Variants in CCDC43 observed in about 807,000 individuals in gnomAD.
The protein encoded by CCDC43 is coiled-coil domain-containing protein 43.
CCDC43 carries 20 observed loss-of-function variants against 33.3 expected under a neutral mutation model. The observed-to-expected ratio is 0.60, with a 90% CI of 0.42 to 0.87. The LOEUF (loss-of-function observed/expected upper bound fraction) is 0.87, where lower values mean the gene tolerates loss of function less well. CCDC43 is among the 40% of genes least tolerant of loss of function. CCDC43 has a pLI of 0.00. For missense variants in CCDC43, 248 were observed against 269.9 expected, an observed-to-expected ratio of 0.92 and a Z score of 0.57; for synonymous variants, 104 against 106.5, an observed-to-expected ratio of 0.98 and a Z score of 0.14.
intron 2 of CCDC43, 41 bp from the exon 3 acceptor site, chr17:44,682,179 G>A (rs754647681): frequency 1.2e-6 from 2 of 1,612,330 alleles, no homozygotes; most frequent in Non-Finnish European, 1.7e-6. Flanking sequence ...GTATGAGAGA[G>A]AACAAGCTCA....
chr17:44,683,243 T>C (rs1247216090), intron 2 of CCDC43, among the ~76,000 whole-genome samples: 1 of 152,100 alleles, frequency 6.6e-6, no homozygotes, highest in Non-Finnish European at 1.5e-5. Flanking sequence ...AATGACAACA[T>C]GAGGCAGGGT....
intron 1 of CCDC43, among the ~76,000 whole-genome samples, chr17:44,686,167 C>A (rs1006498078): frequency 6.6e-6 from 1 of 152,178 alleles, no homozygotes; most frequent in African/African-American, 2.4e-5. Context: ...CCTGCCTTGG[C>A]CTCCCAAAGT....
rs1363824931 is a variant in CCDC43 at position 44,677,981 on chromosome 17, A to C, written c.*875T>G. On this transcript the variant is annotated 3_prime_UTR_variant, in exon 5 of 5. Transcript: ENST00000315286. ...TTTCCATTCACTCATTCATTCAATAAATTTGTTGAGCACCTACTATGTACA... is the reference window on the plus strand; with the variant it reads ...TTTCCATTCACTCATTCATTCAATACATTTGTTGAGCACCTACTATGTACA... 6.6e-6 allele frequency: 1 copy of C among 152,554 alleles called. No homozygotes were observed. The highest frequency in any genetic ancestry group is 2.4e-5 in the African/African-American group (1 of 41,414). 9.5% of individuals were successfully genotyped at this position (152,554 alleles called of 1,614,324 possible).
chr17:44,682,452 C>A (rs1972177488), intron 2 of CCDC43, among the ~76,000 whole-genome samples: 2 of 149,714 alleles, frequency 1.3e-5, no homozygotes, highest in African/African-American at 4.9e-5. Context: ...GAAAACTAAG[C>A]CTCTGAACAC....
chr17:44,687,382 G>C (rs1054241517), intron 1 of CCDC43, among the ~76,000 whole-genome samples: 1 of 152,048 alleles, frequency 6.6e-6, no homozygotes, highest in African/African-American at 2.4e-5. Flanking sequence ...GTTACAGTGA[G>C]CCGAGATTTT....
At chr17:44,689,324 G>A (rs1972287020) in intron 1 of CCDC43, 3 of 597,396 alleles carry the variant, frequency 5.0e-6, no homozygotes, top group Non-Finnish European at 8.7e-6. Flanking sequence ...TTGTCCCCAA[G>A]AATACGAGAA....
At chr17:44,689,205 G>A in intron 1 of CCDC43, 1 of 320,102 alleles carries the variant, frequency 3.1e-6, no homozygotes. Context: ...ACTGTAAACG[G>A]ATGGAAATGG....
At chr17:44,685,937 G>A (rs145008274) in intron 1 of CCDC43, among the ~76,000 whole-genome samples, 164 of 151,306 alleles carry the variant, frequency 1.1e-3, no homozygotes, top group African/African-American at 3.8e-3. Flanking sequence ...TTTTTGAGAC[G>A]GAGTCTCGCT....
rs1972144475 is a variant in CCDC43 at position 44,680,602 on chromosome 17, T to G, written c.470A>C (p.Asn157Thr). ...EKDDSGATTM[N>T]IGSDKLLFRN... is the part of the protein sequence containing the mutation. The stretch of plus-strand genomic sequence containing the variant: ...AAGGATACGTTTGTCAGAACCAATG[T>G]TCATTGTGGTAGCACCTGAATCATC... Residue 157 changes from asparagine (N) to threonine (T), a missense_variant, in exon 4 of 5, where the codon AAC becomes ACC. By Grantham distance (65) the Asn-to-Thr change is moderately conservative (BLOSUM62 0). Coordinates refer to ENST00000315286, the MANE Select transcript of CCDC43 (RefSeq NM_144609.3). 1 of 1,607,724 alleles carries G rather than the reference T, an allele frequency of 6.2e-7. No homozygotes were observed. Among genetic ancestry groups the G allele is most frequent in the South Asian group, 1.1e-5 (1 of 90,698 alleles).
In CCDC43 at chr17:44,678,158, C is replaced by G. The variant is rs992611065; in HGVS notation, c.*698G>C. 17 of 152,466 alleles carry G rather than the reference C, an allele frequency of 1.1e-4. No homozygotes were observed. The highest frequency in any genetic ancestry group is 3.6e-4 in the African/African-American group (15 of 41,402). 9.4% of individuals were successfully genotyped at this position (152,466 alleles called of 1,614,324 possible). On this transcript the variant is annotated 3_prime_UTR_variant, in exon 5 of 5. Coordinates refer to ENST00000315286, the MANE Select transcript of CCDC43 (RefSeq NM_144609.3). ...ATCTCTACCAGCACACAAGAGGATA[C>G]ATGATTATACAAAATGAATCTAGCC...
At chr17:44,679,323 AAAC>A (rs1331073747) in intron 4 of CCDC43, among the ~76,000 whole-genome samples, 1 of 152,190 alleles carries the variant, frequency 6.6e-6, no homozygotes, top group African/African-American at 2.4e-5. Context: ...AAAAATAAGA[AAAC>A]AAAATATTTC....
In CCDC43 at chr17:44,678,290, C is replaced by CAAAAA. The variant is rs200792287; in HGVS notation, c.*561_*565dup. 2.4e-5 allele frequency: 3 copies of CAAAAA among 123,552 alleles called. No individual in the cohort carries two copies. Among genetic ancestry groups the CAAAAA allele is most frequent in the Non-Finnish European group, 5.3e-5 (3 of 56,804 alleles). The allele number at this position is 123,552 out of a possible 1,614,324, so 7.7% of individuals were successfully genotyped here. The stretch of plus-strand genomic sequence containing the variant: ...TTTTCCTCCCACAGGCTGAAACTTT[C>CAAAAA]AAAAAAAAAAAAAAAATCAGATCTA... On this transcript the variant is annotated 3_prime_UTR_variant, in exon 5 of 5. Transcript: ENST00000315286.
rs1476331534 is a variant in CCDC43, at chr17:44,678,981, G to A, written c.550C>T (p.Leu184Phe). The part of the protein sequence containing the change: ...LNARKLERDS[L>F]RDESQRKKEQ... ...TTCTTCCTTTGGGATTCATCCCGAA[G>A]TGAGTCTCGCTCCAGTTTTCGGGCA... The change falls in exon 5 of 5, where the codon CTT (leucine) becomes TTT (phenylalanine). Residue 184 changes from leucine to phenylalanine, a missense_variant. Transcript: ENST00000315286. The A allele has an allele frequency of 8.7e-6, 14 of 1,613,614 alleles. No homozygotes were observed. The highest frequency in any genetic ancestry group is 1.7e-5 in the Admixed American group (1 of 59,968).
rs753368790 is a variant in CCDC43 at position 44,683,930 on chromosome 17, C to T, written c.234G>A (p.Lys78=). The part of the protein sequence containing the change: ...LEEDSLLNIC[K]EIVERWSETQ... ...TTTCTGACCATCGTTCCACAATCTC[C>T]TTGCAGATATTAAGGAGGGAATCTT... Residue 78 remains lysine (K), a synonymous_variant, in exon 2 of 5, where the codon AAG becomes AAA. Transcript: ENST00000315286. 2 of 1,613,074 alleles carry T rather than the reference C, an allele frequency of 1.2e-6. No individual in the cohort carries two copies. Among genetic ancestry groups the T allele is most frequent in the South Asian group, 2.2e-5 (2 of 91,058 alleles).
chr17:44,688,668 T>A (rs1011088041), intron 1 of CCDC43, among the ~76,000 whole-genome samples: 1 of 152,186 alleles, frequency 6.6e-6, no homozygotes, highest in Non-Finnish European at 1.5e-5. Context: ...TTAGTGATGA[T>A]TCAAGTAAAT....
chr17:44,685,234 T>A (rs4793140), intron 1 of CCDC43, among the ~76,000 whole-genome samples: 56,464 of 152,118 alleles, frequency 0.37, 12,906 homozygotes, highest in East Asian at 0.56. Context: ...ACCTGTTCCC[T>A]AAGTCAAAAC....
chr17:44,682,510 A>C (rs1406264962), intron 2 of CCDC43, among the ~76,000 whole-genome samples: 1 of 152,084 alleles, frequency 6.6e-6, no homozygotes, highest in Non-Finnish European at 1.5e-5. Flanking sequence ...ATCTAAAATC[A>C]ACTTAAGCTG....
intron 3 of CCDC43, 112 bp downstream of exon 3, chr17:44,681,891 G>A: frequency 1.5e-6 from 2 of 1,306,788 alleles, no homozygotes; most frequent in South Asian, 2.7e-5. Context: ...CATTTTAGAG[G>A]GGAAAATTAA....
intron 4 of CCDC43, among the ~76,000 whole-genome samples, chr17:44,679,260 CTTATTCAGATTTACCTAAA>C (rs1392523916): frequency 6.6e-6 from 1 of 152,060 alleles, no homozygotes. Flanking sequence ...GAATAAAACT[CTTATTCAGATTTACCTAAA>C]TCTGAATTTT....
Sources: gnomAD v4.1 joint callset for allele counts (sites outside exome capture counted in the v4.1 genomes callset) on GRCh38, gnomAD v4.1.1 for gene constraint, MANE v1.5 for transcripts, NCBI Gene and HGNC (gene_info 2026-07-23, HGNC 2026-07-21) for gene names.